The following ME1 variants were observed in gnomAD, a reference collection of about 807,000 sequenced individuals.
ME1 encodes the protein malic enzyme 1, also known as NADP-dependent malic enzyme.
ME1 carries 74 observed loss-of-function variants against 66.4 expected under a neutral mutation model. The observed-to-expected ratio is 1.11, with a 90% CI of 0.92 to 1.35. The LOEUF (loss-of-function observed/expected upper bound fraction) is 1.35, where lower values mean the gene tolerates loss of function less well. Ranked by LOEUF, ME1 falls within the 40% of genes most tolerant of loss-of-function variation. ME1 has a pLI of 0.00. For missense variants in ME1, 750 were observed against 694.1 expected (o/e 1.08, Z -0.90); for synonymous variants, 251 against 235.6 (o/e 1.07, Z -0.60).
chr6:83,318,271 G>C, intron 5 of ME1, among the ~76,000 whole-genome samples: 1 of 139,410 alleles, frequency 7.2e-6, no homozygotes. Context: ...AACACCAAAA[G>C]CAATGGCAAC....
chr6:83,319,403 TA>T (rs1768110649), intron 5 of ME1, among the ~76,000 whole-genome samples: 1 of 151,820 alleles, frequency 6.6e-6, no homozygotes, highest in South Asian at 2.1e-4. Flanking sequence ...CCAGCCAACA[TA>T]GGAAGGAGGC....
chr6:83,306,592 T>C (rs1300827303), intron 6 of ME1, among the ~76,000 whole-genome samples: 2 of 152,094 alleles, frequency 1.3e-5, no homozygotes, highest in Non-Finnish European at 2.9e-5. Context: ...AAATCTTTAG[T>C]TTACTATAGG....
intron 1 of ME1, among the ~76,000 whole-genome samples, chr6:83,409,106 A>G (rs544664513): frequency 8.4e-4 from 128 of 152,248 alleles, no homozygotes; most frequent in African/African-American, 2.9e-3. Flanking sequence ...ACTGTCTACA[A>G]ATAAGGAAGC....
chr6:83,344,053 G>T (rs2128543502), intron 5 of ME1, among the ~76,000 whole-genome samples: 1 of 148,628 alleles, frequency 6.7e-6, no homozygotes, highest in East Asian at 2.0e-4. Context: ...CAGGAGGATT[G>T]TTTGATACCA....
intron 8 of ME1, 80 bp downstream of exon 8, chr6:83,239,459 G>A (rs150412840): frequency 6.1e-5 from 59 of 973,388 alleles, no homozygotes; most frequent in Middle Eastern, 2.2e-4. Flanking sequence ...GAAAGAATAC[G>A]TCAAATCTTG....
chr6:83,278,534 T>A (rs1767232130), intron 6 of ME1, among the ~76,000 whole-genome samples: 1 of 152,166 alleles, frequency 6.6e-6, no homozygotes, highest in Admixed American at 6.5e-5. Flanking sequence ...CTAGAACTCC[T>A]GGGCTCAAGT....
intron 3 of ME1, among the ~76,000 whole-genome samples, chr6:83,374,509 A>G (rs563734135): frequency 6.6e-5 from 10 of 152,236 alleles, no homozygotes; most frequent in African/African-American, 2.4e-4. Flanking sequence ...CCTTTGTCAG[A>G]TGGTAGATTG....
chr6:83,281,966 A>G (rs1424113885), intron 6 of ME1, among the ~76,000 whole-genome samples: 1 of 137,354 alleles, frequency 7.3e-6, no homozygotes, highest in African/African-American at 3.2e-5. Flanking sequence ...ATACAACTTA[A>G]AAAAAAAAAA....
At chr6:83,374,989 G>A (rs1003156330) in intron 3 of ME1, among the ~76,000 whole-genome samples, 1 of 152,130 alleles carries the variant, frequency 6.6e-6, no homozygotes, top group African/African-American at 2.4e-5. Flanking sequence ...TGCTGTTGTT[G>A]TTACCATAGC....
At chr6:83,220,182 AAAG>A (rs1338950328) in intron 12 of ME1, among the ~76,000 whole-genome samples, 1 of 152,212 alleles carries the variant, frequency 6.6e-6, no homozygotes, top group East Asian at 1.9e-4. Context: ...ATAGCTGAGT[AAAG>A]AAGAATCATT....
At chr6:83,373,183 G>T (rs1165756961) in intron 3 of ME1, among the ~76,000 whole-genome samples, 2 of 151,598 alleles carry the variant, frequency 1.3e-5, no homozygotes, top group Non-Finnish European at 2.9e-5. Flanking sequence ...CTGTATCTTT[G>T]TCCAAAGGCC....
At chr6:83,215,135 G>A (rs906107312) in intron 13 of ME1, among the ~76,000 whole-genome samples, 1 of 152,114 alleles carries the variant, frequency 6.6e-6, no homozygotes, top group African/African-American at 2.4e-5. Flanking sequence ...GGTTTTTAGA[G>A]AATTACTTCT....
intron 6 of ME1, among the ~76,000 whole-genome samples, chr6:83,282,985 T>C (rs1767327950): frequency 6.6e-6 from 1 of 151,426 alleles, no homozygotes; most frequent in Non-Finnish European, 1.5e-5. Context: ...TCCCAGCACT[T>C]TGGGAGGCCG....
At chr6:83,317,255 A>G (rs1160248642) in intron 5 of ME1, among the ~76,000 whole-genome samples, 1 of 152,214 alleles carries the variant, frequency 6.6e-6, no homozygotes, top group Non-Finnish European at 1.5e-5. Context: ...AAATCTCTGA[A>G]TGATTTAAAG....
At chr6:83,265,820 A>G (rs1766978356) in intron 6 of ME1, among the ~76,000 whole-genome samples, 1 of 152,206 alleles carries the variant, frequency 6.6e-6, no homozygotes, top group Non-Finnish European at 1.5e-5. Context: ...CTACAAGGTG[A>G]ATTTAAAATC....
At chr6:83,394,750 C>G (rs1769696461) in intron 3 of ME1, among the ~76,000 whole-genome samples, 1 of 152,076 alleles carries the variant, frequency 6.6e-6, no homozygotes, top group African/African-American at 2.4e-5. Context: ...AAGACATATG[C>G]AACTTGAACT....
At chr6:83,422,474 C>T (rs1292537376) in intron 1 of ME1, among the ~76,000 whole-genome samples, 3 of 152,110 alleles carry the variant, frequency 2.0e-5, no homozygotes, top group Admixed American at 6.5e-5. Flanking sequence ...AACAGGAAAA[C>T]GTTAACTTGG....
chr6:83,356,179 TAA>T (rs368783173), intron 3 of ME1, among the ~76,000 whole-genome samples: 52 of 152,266 alleles, frequency 3.4e-4, no homozygotes, highest in African/African-American at 1.2e-3. Context: ...ATTTTGGAGA[TAA>T]GTTTATGACC....
At chr6:83,412,502 A>C (rs1192388095) in intron 1 of ME1, among the ~76,000 whole-genome samples, 2 of 152,210 alleles carry the variant, frequency 1.3e-5, no homozygotes, top group Non-Finnish European at 2.9e-5. Flanking sequence ...GTTATAGTAC[A>C]TTTTGGAGAA....
Sources: allele counts gnomAD v4.1 joint callset (sites outside exome capture counted in the v4.1 genomes callset), GRCh38; gene constraint gnomAD v4.1.1; transcripts MANE v1.5; gene names NCBI Gene and HGNC (gene_info 2026-07-23, HGNC 2026-07-21).